Variants in ZNF559 observed in about 807,000 individuals in gnomAD.
ZNF559 encodes putative protein product of Nbla00121.
A neutral mutation model predicts 14.2 loss-of-function variants in ZNF559; 17 were observed. That is an observed-to-expected ratio of 1.20 (90% confidence interval 0.82 to 1.80). The LOEUF is 1.80. Among genes scored for constraint, ZNF559 ranks in the 40% most tolerant of loss-of-function variants. The probability of loss-of-function intolerance (pLI) is 0.00; values close to 1 mark genes in which losing one functional copy is unlikely to be tolerated. For missense variants in ZNF559, 740 were observed against 629.7 expected (o/e 1.18, Z -1.88); for synonymous variants, 244 against 212.4 (o/e 1.15, Z -1.29).
rs1474600451 is a variant in ZNF559, at chr19:9,343,143, A to C, written c.*75A>C. On this transcript the variant is annotated 3_prime_UTR_variant, in exon 7 of 7. Coordinates refer to ENST00000603380, the MANE Select transcript of ZNF559 (RefSeq NM_032497.3). ...ACTTACTGAACATGTACTCATTCATAGTGGCAATGTACACAGTCATAAGGA... is the reference window on the plus strand; with the variant it reads ...ACTTACTGAACATGTACTCATTCATCGTGGCAATGTACACAGTCATAAGGA... 1 of 1,537,034 alleles carries C rather than the reference A, an allele frequency of 6.5e-7. No homozygotes were observed.
chr19:9,329,848 G>A (rs1384039909), intron 2 of ZNF559, among the ~76,000 whole-genome samples: 1 of 152,140 alleles, frequency 6.6e-6, no homozygotes, highest in Admixed American at 6.6e-5. Context: ...ATTTTTAGTA[G>A]AAACGGGGTT....
chr19:9,324,922 A>G, intron 2 of ZNF559, 142 bp downstream of exon 2: 1 of 698,654 alleles, frequency 1.4e-6, no homozygotes, highest in Non-Finnish European at 2.4e-6. Context: ...GGATGAATGC[A>G]CATAACTGTA....
chr19:9,325,575 G>A (rs370869441), intron 2 of ZNF559, among the ~76,000 whole-genome samples: 3 of 152,096 alleles, frequency 2.0e-5, no homozygotes, highest in Non-Finnish European at 4.4e-5. Flanking sequence ...GGCGGATCAC[G>A]AGGTCAGGAG....
At chr19:9,323,995 A>C, upstream of ZNF559, 1 of 635,414 alleles carries the variant, frequency 1.6e-6, no homozygotes, top group Non-Finnish European at 2.7e-6. Flanking sequence ...AACGCCAGTA[A>C]CCTGGACAGC....
intron 2 of ZNF559, among the ~76,000 whole-genome samples, chr19:9,337,121 T>G (rs1308873591): frequency 6.6e-6 from 1 of 152,176 alleles, no homozygotes; most frequent in Non-Finnish European, 1.5e-5. Context: ...TCACCTGAGC[T>G]TTGGTGTCCA....
At chr19:9,337,129 C>T (rs981582571) in intron 2 of ZNF559, among the ~76,000 whole-genome samples, 2 of 152,140 alleles carry the variant, frequency 1.3e-5, no homozygotes, top group Non-Finnish European at 2.9e-5. Flanking sequence ...GCTTTGGTGT[C>T]CAGGATTTTT....
chr19:9,336,445 G>C (rs753253325), intron 2 of ZNF559, among the ~76,000 whole-genome samples: 1 of 151,970 alleles, frequency 6.6e-6, no homozygotes, highest in East Asian at 1.9e-4. Flanking sequence ...TACAAAATTA[G>C]CTGGGGTTGG....
At position 9,344,015 on chromosome 19, in the gene ZNF559, G is replaced by A. The variant is rs760171839; in HGVS notation, c.*947G>A. 3.0e-5 allele frequency: 5 copies of A among 168,894 alleles called. No individual in the cohort carries two copies. Among genetic ancestry groups the A allele is most frequent in the Admixed American group, 2.0e-4 (3 of 15,292 alleles). The allele number at this position is 168,894 out of a possible 1,614,324, so 10.5% of individuals were successfully genotyped here. Reference sequence around the variant, plus strand: ...TCCCAGCACTTTGAAAGGCCGAAGCGAGTGGATCATTTGAGGTCAGGAGTT... The same window carrying A: ...TCCCAGCACTTTGAAAGGCCGAAGCAAGTGGATCATTTGAGGTCAGGAGTT... On this transcript the variant is annotated 3_prime_UTR_variant, in exon 7 of 7. Coordinates refer to ENST00000603380, the MANE Select transcript of ZNF559 (RefSeq NM_032497.3).
chr19:9,337,380 C>T (rs757509032), intron 2 of ZNF559, among the ~76,000 whole-genome samples: 1 of 152,212 alleles, frequency 6.6e-6, no homozygotes, highest in Non-Finnish European at 1.5e-5. Flanking sequence ...GCTAAAAGGT[C>T]ATCTCTCACA....
intron 2 of ZNF559, among the ~76,000 whole-genome samples, chr19:9,326,087 A>G (rs2066580521): frequency 6.8e-6 from 1 of 147,762 alleles, no homozygotes; most frequent in Admixed American, 6.8e-5. Context: ...TCTGTTTTTT[A>G]ACTAGACTAT....
At chr19:9,329,114 T>A (rs2066800536) in intron 2 of ZNF559, among the ~76,000 whole-genome samples, 1 of 152,214 alleles carries the variant, frequency 6.6e-6, no homozygotes. Flanking sequence ...AACTTTTCTT[T>A]ATTATTCTTG....
chr19:9,331,596 T>C (rs146785178), intron 2 of ZNF559, among the ~76,000 whole-genome samples: 12 of 152,280 alleles, frequency 7.9e-5, no homozygotes, highest in Admixed American at 2.0e-4. Context: ...CAAAAAGATA[T>C]AAAGTCAGCA....
At chr19:9,324,564 T>G in intron 1 of ZNF559, 131 bp from the exon 2 acceptor site, 2 of 1,167,754 alleles carry the variant, frequency 1.7e-6, no homozygotes, top group Non-Finnish European at 2.3e-6. Context: ...GCGGATTGGG[T>G]AGGAGGATTA....
chr19:9,328,656 T>C (rs1438504760), intron 2 of ZNF559, among the ~76,000 whole-genome samples: 1 of 152,140 alleles, frequency 6.6e-6, no homozygotes, highest in Admixed American at 6.5e-5. Context: ...ATTACAGGCA[T>C]GAGCCACTGC....
At position 9,343,192 on chromosome 19, in the gene ZNF559, C is replaced by T; in HGVS notation, c.*124C>T. 6.7e-7 allele frequency: 1 copy of T among 1,490,320 alleles called. No individual in the cohort carries two copies. 92.3% of individuals were successfully genotyped at this position (1,490,320 alleles called of 1,614,324 possible). A position where few individuals can be genotyped will look rare whatever the true frequency, so the allele number is the denominator to read the frequency against. On this transcript the variant is annotated 3_prime_UTR_variant, in exon 7 of 7. Transcript: ENST00000603380. ...GAATGTGGGAAGCCTTCCTTGGTGT[C>T]TCAGATCTTAACAATTCCAATAGAA...
At chr19:9,332,870 A>G (rs2067013773) in intron 2 of ZNF559, 1 of 152,172 alleles carries the variant, frequency 6.6e-6, no homozygotes, top group East Asian at 1.9e-4. Context: ...TTTAAAAGGT[A>G]TGATTTTGTA....
At chr19:9,338,141 G>A in intron 3 of ZNF559, 2 of 831,690 alleles carry the variant, frequency 2.4e-6, no homozygotes. Context: ...GGCTAAAGTA[G>A]ATACGAATAT....
chr19:9,324,109 C>T, upstream of ZNF559: 7 of 1,514,828 alleles, frequency 4.6e-6, no homozygotes, highest in East Asian at 4.9e-5. Context: ...CTGATGGGCC[C>T]GGGAACCCGA....
rs1179167088 is a variant in ZNF559 at position 9,339,225 on chromosome 19, C to T, written c.66C>T (p.Asp22=). 2 of 1,613,964 alleles carry T rather than the reference C, an allele frequency of 1.2e-6. No homozygotes were observed. The highest frequency in any genetic ancestry group is 1.7e-5 in the Admixed American group (1 of 59,994). ...DSVTFEDVAV[D]FTQEEWTLLD... ...TGACCTTTGAGGATGTGGCTGTGGA[C>T]TTCACCCAGGAGGAGTGGACTTTGC... Residue 22 remains aspartate, a synonymous_variant, in exon 5 of 7, where the codon GAC becomes GAT. Coordinates refer to ENST00000603380, the MANE Select transcript of ZNF559 (RefSeq NM_032497.3).
Sources: gnomAD v4.1 joint callset for allele counts (sites outside exome capture counted in the v4.1 genomes callset) on GRCh38, gnomAD v4.1.1 for gene constraint, MANE v1.5 for transcripts, NCBI Gene and HGNC (gene_info 2026-07-23, HGNC 2026-07-21) for gene names.